ELAVL4: variants seen among roughly 807,000 people sequenced by gnomAD.
ELAVL4 encodes the protein ELAV-like protein 4.
In ELAVL4, 1 loss-of-function variant was observed where a neutral mutation model predicts 35.6. The observed-to-expected ratio is 0.03, with a 90% confidence interval of 0.01 to 0.13. The LOEUF is 0.13. Among genes scored for constraint, ELAVL4 ranks in the 10% least tolerant of loss-of-function variants. ELAVL4 has a pLI of 1.00. For missense variants in ELAVL4, 267 were observed against 464.9 expected, an observed-to-expected ratio of 0.57 and a Z score of 3.91; for synonymous variants, 156 against 171.0, an observed-to-expected ratio of 0.91 and a Z score of 0.69.
intron 1 of ELAVL4, among the ~76,000 whole-genome samples, chr1:50,131,332 T>C (rs1670818114): frequency 6.6e-6 from 1 of 152,174 alleles, no homozygotes; most frequent in African/African-American, 2.4e-5. Context: ...AAATGCCAAC[T>C]TGACTTTTGC....
chr1:50,181,912 A>T (rs1572569789), intron 3 of ELAVL4, among the ~76,000 whole-genome samples: 1 of 152,022 alleles, frequency 6.6e-6, no homozygotes. Flanking sequence ...CGAACTCCTG[A>T]CCTCAGGTGA....
chr1:50,192,347 A>G (rs538273783), intron 3 of ELAVL4, among the ~76,000 whole-genome samples: 3 of 152,210 alleles, frequency 2.0e-5, no homozygotes, highest in Admixed American at 2.0e-4. Context: ...GGAAAGGGGG[A>G]GAGTGCCATG....
intron 2 of ELAVL4, 106 bp downstream of exon 2, chr1:50,145,303 T>C: frequency 6.6e-7 from 1 of 1,518,454 alleles, no homozygotes; most frequent in Non-Finnish European, 9.0e-7. Flanking sequence ...GTACCCTGCA[T>C]GCAAGATGGC....
At chr1:50,175,766 T>C (rs1285848291) in intron 2 of ELAVL4, 2 of 152,202 alleles carry the variant, frequency 1.3e-5, no homozygotes, top group African/African-American at 4.8e-5. Context: ...AACACAGACA[T>C]TTACCAGCAA....
At chr1:50,094,045 A>G (rs1433189506) in intron 1 of ELAVL4, among the ~76,000 whole-genome samples, 1 of 152,248 alleles carries the variant, frequency 6.6e-6, no homozygotes, top group East Asian at 1.9e-4. Flanking sequence ...GTAAATGCTC[A>G]ATAGATAGCA....
At chr1:50,133,643 GAAAGAA>G (rs1671369391) in intron 1 of ELAVL4, among the ~76,000 whole-genome samples, 1 of 148,408 alleles carries the variant, frequency 6.7e-6, no homozygotes, top group Non-Finnish European at 1.5e-5. Flanking sequence ...AAGAAAGAAA[GAAAGAA>G]AGAGAAAGAA....
chr1:50,062,970 G>T (rs558386372), intron 1 of ELAVL4, among the ~76,000 whole-genome samples: 18 of 152,256 alleles, frequency 1.2e-4, no homozygotes, highest in African/African-American at 4.3e-4. Flanking sequence ...GCCAGGTTCT[G>T]TTCACACAGT....
At chr1:50,077,427 G>A (rs1335138364) in intron 1 of ELAVL4, among the ~76,000 whole-genome samples, 1 of 152,182 alleles carries the variant, frequency 6.6e-6, no homozygotes, top group Admixed American at 6.5e-5. Flanking sequence ...TCTTACTTGA[G>A]GGAGGGTTGG....
intron 2 of ELAVL4, among the ~76,000 whole-genome samples, chr1:50,171,692 A>C (rs546997567): frequency 1.3e-5 from 2 of 152,310 alleles, no homozygotes; most frequent in Non-Finnish European, 2.9e-5. Context: ...TGACTTAACC[A>C]AGGTTATACA....
At chr1:50,067,911 T>G (rs1357572418) in intron 1 of ELAVL4, among the ~76,000 whole-genome samples, 3 of 151,910 alleles carry the variant, frequency 2.0e-5, no homozygotes, top group African/African-American at 4.8e-5. Flanking sequence ...CCATCAAATC[T>G]CCTGAGAACT....
At chr1:50,199,312 C>T (rs1438847794) in intron 6 of ELAVL4, among the ~76,000 whole-genome samples, 1 of 152,202 alleles carries the variant, frequency 6.6e-6, no homozygotes, top group Non-Finnish European at 1.5e-5. Flanking sequence ...AGTTGTAGCT[C>T]ACACTTTACA....
chr1:50,201,239 G>C lies in ELAVL4; in HGVS notation c.*61G>C, dbSNP rs972237380. The stretch of plus-strand genomic sequence containing the variant: ...ATATATACGAACAAAACACACGCGC[G>C]CACACACACACATACACGAAAGAGA... On this transcript the variant is annotated 3_prime_UTR_variant, in exon 7 of 7. Transcript: ENST00000371824. This position sits in a 1 kb window ranked among gnomAD's most constrained non-coding sequence, Gnocchi z 4.3. 5 of 1,424,316 alleles carry C rather than the reference G, an allele frequency of 3.5e-6. No individual in the cohort carries two copies. Among genetic ancestry groups the C allele is most frequent in the Non-Finnish European group, 4.6e-6 (5 of 1,076,762 alleles). 88.2% of individuals were successfully genotyped at this position (1,424,316 alleles called of 1,614,324 possible). A position where few individuals can be genotyped will look rare whatever the true frequency, so the allele number is the denominator to read the frequency against.
chr1:50,083,378 T>A (rs1665095488), intron 1 of ELAVL4, among the ~76,000 whole-genome samples: 1 of 152,148 alleles, frequency 6.6e-6, no homozygotes. Flanking sequence ...TATAAGACTT[T>A]TTAGGTACAT....
At chr1:50,100,988 G>GTT (rs5774060), upstream of ELAVL4, among the ~76,000 whole-genome samples, 565 of 148,402 alleles carry the variant, frequency 3.8e-3, 2 homozygotes, top group Admixed American at 4.8e-3. Context: ...CCTCCACCAA[G>GTT]TTTTTTTTTT....
chr1:50,177,242 C>T, intron 3 of ELAVL4, 50 bp downstream of exon 3: 1 of 1,415,930 alleles, frequency 7.1e-7, no homozygotes, highest in Non-Finnish European at 1.0e-6. Context: ...GGTTAAATTT[C>T]ATTCTGTTGA....
intron 2 of ELAVL4, among the ~76,000 whole-genome samples, chr1:50,163,961 A>C (rs1468876194): frequency 2.0e-5 from 3 of 152,182 alleles, no homozygotes; most frequent in Non-Finnish European, 4.4e-5. Flanking sequence ...CTGGCTCTAG[A>C]GTCAGATGGG....
chr1:50,082,407 G>C (rs895320043), intron 1 of ELAVL4, among the ~76,000 whole-genome samples: 1 of 152,210 alleles, frequency 6.6e-6, no homozygotes, highest in Non-Finnish European at 1.5e-5. Context: ...TTGTGGTTTT[G>C]ATTTGTATTT....
chr1:50,202,152 T>C lies in ELAVL4; in HGVS notation c.*974T>C, dbSNP rs945757767. 1 of 152,124 alleles carries C rather than the reference T, an allele frequency of 6.6e-6. No homozygotes were observed. The highest frequency in any genetic ancestry group is 2.4e-5 in the African/African-American group (1 of 41,426). 9.4% of individuals were successfully genotyped at this position (152,124 alleles called of 1,614,324 possible). ...GTAATAATAATTAAAAAACAATTATTAATTACTAGGGGAAAGGAGTGTTCG... is the reference window on the plus strand; with the variant it reads ...GTAATAATAATTAAAAAACAATTATCAATTACTAGGGGAAAGGAGTGTTCG... On this transcript the variant is annotated 3_prime_UTR_variant, in exon 7 of 7. Coordinates refer to ENST00000371824, the MANE Select transcript of ELAVL4 (RefSeq NM_001144774.3).
At chr1:50,080,800 T>A (rs1474058445) in intron 1 of ELAVL4, among the ~76,000 whole-genome samples, 1 of 152,152 alleles carries the variant, frequency 6.6e-6, no homozygotes, top group Admixed American at 6.5e-5. Context: ...TGTGCTGCCT[T>A]TCCTCCAAGA....
Sources: gnomAD v4.1 joint callset for allele counts (sites outside exome capture counted in the v4.1 genomes callset) on GRCh38, gnomAD v4.1.1 for gene constraint, Gnocchi (gnomAD v3.1) non-coding constraint, MANE v1.5 for transcripts, NCBI Gene and HGNC (gene_info 2026-07-23, HGNC 2026-07-21) for gene names.